Variants in ZNF827 observed in about 807,000 individuals in gnomAD.
ZNF827 encodes zinc finger protein 827.
Under a neutral mutation model 102.4 loss-of-function variants are expected in ZNF827, and 13 were observed. The ratio of observed to expected loss-of-function variants is 0.13; its 90% CI spans 0.08 to 0.20. The LOEUF (loss-of-function observed/expected upper bound fraction) is 0.20, where lower values mean the gene tolerates loss of function less well. ZNF827 is among the 10% of genes least tolerant of loss of function. ZNF827 has a pLI of 1.00. For missense variants in ZNF827, 1,103 were observed against 1,344.4 expected, an observed-to-expected ratio of 0.82 and a Z score of 2.81; for synonymous variants, 523 against 536.2, an observed-to-expected ratio of 0.98 and a Z score of 0.34.
chr4:145,913,897 AG>A (rs974537972), intron 1 of ZNF827, among the ~76,000 whole-genome samples: 3 of 152,244 alleles, frequency 2.0e-5, no homozygotes, highest in Admixed American at 6.5e-5. Context: ...TGAAATCACC[AG>A]GAAGTCTTTA....
intron 1 of ZNF827, among the ~76,000 whole-genome samples, chr4:145,922,045 T>A (rs1478260240): frequency 6.6e-6 from 1 of 152,218 alleles, no homozygotes; most frequent in Non-Finnish European, 1.5e-5. Context: ...AATTCAAAGA[T>A]ACATCAAGGA....
At chr4:145,802,695 C>T (rs745942255) in intron 8 of ZNF827, among the ~76,000 whole-genome samples, 15 of 152,340 alleles carry the variant, frequency 9.8e-5, no homozygotes, top group South Asian at 2.1e-4. Context: ...CAGTGGCTCA[C>T]GCCTGTAATC....
intron 2 of ZNF827, among the ~76,000 whole-genome samples, chr4:145,893,080 C>T (rs1579496979): frequency 6.6e-6 from 1 of 152,200 alleles, no homozygotes; most frequent in African/African-American, 2.4e-5. Flanking sequence ...TAGCCACTAA[C>T]AATATGTGCT....
chr4:145,910,599 A>G (rs1752213649), intron 1 of ZNF827, among the ~76,000 whole-genome samples: 1 of 152,200 alleles, frequency 6.6e-6, no homozygotes, highest in African/African-American at 2.4e-5. Flanking sequence ...GTACTATGGC[A>G]GTAGCCTTCC....
intron 8 of ZNF827, 125 bp downstream of exon 8, chr4:145,823,297 T>C (rs1180277037): frequency 1.3e-6 from 1 of 753,674 alleles, no homozygotes; most frequent in African/African-American, 1.8e-5. Context: ...CTCCTTCTTT[T>C]CTAAAACCTA....
chr4:145,788,088 G>C (rs1739150418), intron 8 of ZNF827, among the ~76,000 whole-genome samples: 1 of 152,246 alleles, frequency 6.6e-6, no homozygotes, highest in Admixed American at 6.5e-5. Flanking sequence ...GCTCCTCTAA[G>C]CCATATGAAA....
intron 8 of ZNF827, among the ~76,000 whole-genome samples, chr4:145,799,116 C>T (rs930563816): frequency 2.0e-4 from 30 of 152,270 alleles, no homozygotes; most frequent in African/African-American, 3.6e-4. Context: ...GCAGATCTCC[C>T]GTTTTGATAC....
In ZNF827 at chr4:145,902,734, C is replaced by A; in HGVS notation, c.525G>T (p.Glu175Asp). The A allele has an allele frequency of 6.2e-7, 1 of 1,614,100 alleles. No individual in the cohort carries two copies. ...TGTATTGGTCATTCTGTTCCTGCTT[C>A]TCGGCCAACTTCCTGGCCAGAACAC... ...QLSVLARKLA[E>D]KQEQNDQYTP... Residue 175 changes from glutamate to aspartate, a missense_variant, in exon 2 of 15, where the codon GAG becomes GAT. By Grantham distance (45) the Glu-to-Asp change is conservative (BLOSUM62 2). Around this residue, in one of 5 missense-constraint regions of ZNF827, gnomAD observed 441 missense variants for 458.6 expected, o/e 0.96. Coordinates refer to ENST00000508784, the MANE Select transcript of ZNF827 (RefSeq NM_001306215.2). The surrounding 1 kb of genome is among the most constrained non-coding windows in gnomAD (Gnocchi z 4.3).
At chr4:145,881,381 T>C (rs981666644) in intron 4 of ZNF827, among the ~76,000 whole-genome samples, 2 of 152,210 alleles carry the variant, frequency 1.3e-5, no homozygotes, top group Non-Finnish European at 2.9e-5. Context: ...GCACAACAAT[T>C]TTTGCTGGCT....
intron 5 of ZNF827, among the ~76,000 whole-genome samples, chr4:145,869,807 C>T (rs1748525304): frequency 6.6e-6 from 1 of 152,116 alleles, no homozygotes; most frequent in Non-Finnish European, 1.5e-5. Flanking sequence ...CTTCAAGTGC[C>T]ATCTCAAATG....
intron 7 of ZNF827, among the ~76,000 whole-genome samples, chr4:145,838,031 C>T (rs1198903840): frequency 6.6e-6 from 1 of 152,104 alleles, no homozygotes; most frequent in Non-Finnish European, 1.5e-5. Flanking sequence ...TTTTATTTTT[C>T]TTATTAATAT....
chr4:145,926,218 G>A (rs1753411084), intron 1 of ZNF827, among the ~76,000 whole-genome samples: 2 of 152,188 alleles, frequency 1.3e-5, no homozygotes, highest in South Asian at 4.1e-4. Flanking sequence ...TCACACACAA[G>A]CTGAGAATTT....
At position 145,938,614 on chromosome 4, in the gene ZNF827, CTTTTTTCCTTTT is replaced by C. The variant is rs1386750095; in HGVS notation, c.-219_-208del. ...GGGGTTTTCTTCTTTTCTTTCCTTT[CTTTTTTCCTTTT>C]TTTTTTTTTTTTAAATTTTTGGTCG... On this transcript the variant is annotated 5_prime_UTR_variant, in exon 1 of 15. Transcript: ENST00000508784. 6.1e-6 allele frequency: 3 copies of C among 488,390 alleles called. No homozygotes were observed. The highest frequency in any genetic ancestry group is 1.1e-5 in the Non-Finnish European group (3 of 277,782). The allele number at this position is 488,390 out of a possible 1,614,324, so 30.3% of individuals were successfully genotyped here.
intron 4 of ZNF827, among the ~76,000 whole-genome samples, chr4:145,874,124 A>G (rs1322804495): frequency 6.6e-6 from 1 of 152,180 alleles, no homozygotes; most frequent in Non-Finnish European, 1.5e-5. Flanking sequence ...AGCATTAGTC[A>G]GAGTATATGC....
chr4:145,817,829 T>C (rs1017920762), intron 8 of ZNF827, among the ~76,000 whole-genome samples: 1 of 152,230 alleles, frequency 6.6e-6, no homozygotes, highest in African/African-American at 2.4e-5. Context: ...GTTTCTTCTA[T>C]GCTGCTGACC....
intron 8 of ZNF827, among the ~76,000 whole-genome samples, chr4:145,809,066 A>T (rs1394461289): frequency 6.6e-6 from 1 of 152,194 alleles, no homozygotes; most frequent in African/African-American, 2.4e-5. Flanking sequence ...TTCCCAAAGC[A>T]TTGGGATTAC....
In ZNF827 at chr4:145,845,367, T is replaced by C. The variant is rs1383466261; in HGVS notation, c.2279+589A>G. Among the ~76,000 whole-genome samples the C allele has an allele frequency of 2.0e-5, 3 of 152,236 alleles. No individual in the cohort carries two copies. The East Asian group carries it at 5.8e-4, about 29-fold the overall frequency. ...CTGGCTAACCTCCTCAGACTGCCTT[T>C]GGCAAGTGAAAAAACTTCCTTGTCC... On this transcript the variant is annotated intron_variant, in intron 7 of 14. Transcript: ENST00000508784.
intron 9 of ZNF827, among the ~76,000 whole-genome samples, chr4:145,776,278 G>A (rs1470052220): frequency 1.3e-5 from 2 of 151,918 alleles, no homozygotes; most frequent in African/African-American, 2.4e-5. Context: ...GCATCACAGC[G>A]AGACTCCATC....
chr4:145,930,185 T>C (rs536959703), intron 1 of ZNF827, among the ~76,000 whole-genome samples: 3 of 152,344 alleles, frequency 2.0e-5, no homozygotes, highest in South Asian at 2.1e-4. Context: ...ACTAGCACTA[T>C]GTAACCTTAG....
Sources: allele counts gnomAD v4.1 joint callset (sites outside exome capture counted in the v4.1 genomes callset), GRCh38; gene constraint gnomAD v4.1.1; regional missense constraint gnomAD v4.1.1; non-coding constraint Gnocchi (gnomAD v3.1); transcripts MANE v1.5; gene names NCBI Gene and HGNC (gene_info 2026-07-23, HGNC 2026-07-21).